Variants in AKAP13 observed in about 807,000 individuals in gnomAD.
The protein encoded by AKAP13 is A-kinase anchor protein 13.
AKAP13 carries 80 observed loss-of-function variants against 264.5 expected under a neutral mutation model. The ratio of observed to expected loss-of-function variants is 0.30; its 90% CI spans 0.25 to 0.36. The LOEUF (loss-of-function observed/expected upper bound fraction) is 0.36. AKAP13 is among the 10% of genes least tolerant of loss of function. The pLI is 1.00. For synonymous variants in AKAP13, 1,380 were observed against 1,250.2 expected, an observed-to-expected ratio of 1.10 and a Z score of -2.19; for missense variants, 3,712 against 3,435.2, an observed-to-expected ratio of 1.08 and a Z score of -2.01.
intron 1 of AKAP13, among the ~76,000 whole-genome samples, chr15:85,452,220 T>G (rs200481285): frequency 3.4e-5 from 1 of 29,606 alleles, no homozygotes; most frequent in Non-Finnish European, 7.3e-5. Context: ...TCCCTTAGGG[T>G]TTTTTTTTTT....
rs2089452947 is a variant in AKAP13 at position 85,749,252 on chromosome 15, T to C, written c.*4575T>C. The C allele has an allele frequency of 6.6e-6, 1 of 152,260 alleles. No individual in the cohort carries two copies. The highest frequency in any genetic ancestry group is 1.5e-5 in the Non-Finnish European group (1 of 68,044). 9.4% of individuals were successfully genotyped at this position (152,260 alleles called of 1,614,324 possible). On this transcript the variant is annotated 3_prime_UTR_variant, in exon 37 of 37. Transcript: ENST00000394518. ...TGTTTTCTCGAATTTTGCCACAACA[T>C]ACTGGCTTCGTATTTTATTTATCTT...
At chr15:85,713,241 T>A (rs1294659757) in intron 19 of AKAP13, among the ~76,000 whole-genome samples, 1 of 152,224 alleles carries the variant, frequency 6.6e-6, no homozygotes, top group Admixed American at 6.5e-5. Flanking sequence ...CAAGTTATTA[T>A]GAGCTCTGCC....
Position 85,578,967 on chromosome 15 carries a change from T to C in AKAP13, c.899T>C (p.Leu300Ser), listed in dbSNP as rs753072762. The C allele has an allele frequency of 1.7e-5, 27 of 1,613,912 alleles. No homozygotes were observed. The highest frequency in any genetic ancestry group is 2.1e-5 in the Non-Finnish European group (25 of 1,180,032). ...NLKQMDSLMP[L>S]MMTAQDPSSA... is the part of the protein sequence containing the mutation. ...AAGCAGATGGACAGTCTTATGCCCT[T>C]AATGATGACAGCACAGGATCCTTCC... Residue 300 changes from leucine to serine, a missense_variant, in exon 7 of 37, where the codon TTA becomes TCA. This residue lies in a region of AKAP13 where 2,759 missense variants were observed against 2,411.7 expected (regional missense o/e 1.14). Coordinates refer to ENST00000394518, the MANE Select transcript of AKAP13 (RefSeq NM_007200.5).
chr15:85,401,454 C>T (rs1382916538), intron 1 of AKAP13, among the ~76,000 whole-genome samples: 1 of 152,172 alleles, frequency 6.6e-6, no homozygotes, highest in Non-Finnish European at 1.5e-5. Context: ...TCTTTTGGGG[C>T]AAGGCCAGCT....
At chr15:85,726,568 C>A in intron 27 of AKAP13, 82 bp downstream of exon 27, 1 of 1,171,330 alleles carries the variant, frequency 8.5e-7, no homozygotes, top group Non-Finnish European at 1.2e-6. Context: ...TATTGCTCTC[C>A]CCCGCCCTCT....
chr15:85,429,954 T>G (rs1425260547), intron 1 of AKAP13, among the ~76,000 whole-genome samples: 2 of 152,264 alleles, frequency 1.3e-5, no homozygotes, highest in Non-Finnish European at 2.9e-5. Flanking sequence ...GTTGGCTGAT[T>G]CACCATGTTT....
chr15:85,528,796 T>G (rs989179514), intron 3 of AKAP13, among the ~76,000 whole-genome samples: 2 of 152,182 alleles, frequency 1.3e-5, no homozygotes, highest in African/African-American at 4.8e-5. Context: ...AATTCCTAAT[T>G]TAAAATACGG....
intron 8 of AKAP13, among the ~76,000 whole-genome samples, chr15:85,608,315 G>A (rs962227128): frequency 6.6e-6 from 1 of 152,118 alleles, no homozygotes; most frequent in Non-Finnish European, 1.5e-5. Context: ...TTCTCTCCTT[G>A]TTTAATAACT....
intron 9 of AKAP13, among the ~76,000 whole-genome samples, chr15:85,640,420 A>T (rs1048539108): frequency 6.6e-6 from 1 of 152,248 alleles, no homozygotes; most frequent in Non-Finnish European, 1.5e-5. Context: ...CAGTAGTATT[A>T]AATTTAAAAA....
chr15:85,515,270 A>G (rs2076562888), intron 2 of AKAP13, among the ~76,000 whole-genome samples: 1 of 138,938 alleles, frequency 7.2e-6, no homozygotes, highest in Non-Finnish European at 1.5e-5. Context: ...TACATCTTAT[A>G]AACTTTATGC....
intron 8 of AKAP13, among the ~76,000 whole-genome samples, chr15:85,631,839 A>G (rs1008833661): frequency 3.9e-5 from 6 of 152,216 alleles, no homozygotes; most frequent in African/African-American, 1.4e-4. Context: ...AGTTGTTACA[A>G]AATAAGTTTA....
intron 14 of AKAP13, among the ~76,000 whole-genome samples, chr15:85,676,570 GAT>G (rs1225283211): frequency 2.0e-5 from 3 of 152,228 alleles, no homozygotes; most frequent in Non-Finnish European, 4.4e-5. Context: ...AGATTAGAAA[GAT>G]GTGAGTCACC....
At chr15:85,696,494 G>A (rs2151648525) in intron 17 of AKAP13, among the ~76,000 whole-genome samples, 1 of 152,208 alleles carries the variant, frequency 6.6e-6, no homozygotes, top group South Asian at 2.1e-4. Context: ...TTTTAAATAA[G>A]AGCTGTAAAA....
chr15:85,466,345 C>T (rs2074741448), intron 1 of AKAP13, among the ~76,000 whole-genome samples: 1 of 152,096 alleles, frequency 6.6e-6, no homozygotes, highest in South Asian at 2.1e-4. Context: ...TGTACAGAAG[C>T]TCTTTAGTTT....
intron 5 of AKAP13, among the ~76,000 whole-genome samples, chr15:85,552,389 A>T (rs190181354): frequency 6.6e-4 from 101 of 152,318 alleles, no homozygotes; most frequent in Non-Finnish European, 4.4e-5. Flanking sequence ...GAATCACAAA[A>T]ATCTTTTAGC....
At chr15:85,396,862 T>C (rs1182112434) in intron 1 of AKAP13, among the ~76,000 whole-genome samples, 1 of 151,738 alleles carries the variant, frequency 6.6e-6, no homozygotes, top group African/African-American at 2.4e-5. Context: ...CACAAATTAC[T>C]GATCTGTGCA....
At chr15:85,473,420 A>G (rs2075039337) in intron 1 of AKAP13, among the ~76,000 whole-genome samples, 1 of 152,242 alleles carries the variant, frequency 6.6e-6, no homozygotes, top group Non-Finnish European at 1.5e-5. Context: ...CTCTGGACCG[A>G]GATTATAGAT....
At chr15:85,705,602 T>A (rs2086188061) in intron 17 of AKAP13, among the ~76,000 whole-genome samples, 1 of 152,248 alleles carries the variant, frequency 6.6e-6, no homozygotes, top group Non-Finnish European at 1.5e-5. Flanking sequence ...TAGAGTGTGA[T>A]GATTTTTTAA....
At chr15:85,713,888 A>C (rs1019876555) in intron 19 of AKAP13, among the ~76,000 whole-genome samples, 1 of 152,196 alleles carries the variant, frequency 6.6e-6, no homozygotes, top group Non-Finnish European at 1.5e-5. Flanking sequence ...CCCAAGTGCC[A>C]GCGTGACCAC....
Sources: gnomAD v4.1 joint callset for allele counts (sites outside exome capture counted in the v4.1 genomes callset) on GRCh38, gnomAD v4.1.1 for gene constraint, gnomAD v4.1.1 regional missense constraint, MANE v1.5 for transcripts, NCBI Gene and HGNC (gene_info 2026-07-23, HGNC 2026-07-21) for gene names.